CSNK1A1: variants seen among roughly 807,000 people sequenced by gnomAD.
The protein encoded by CSNK1A1 is casein kinase I isoform alpha.
In CSNK1A1, 7 loss-of-function variants were observed where a neutral mutation model predicts 46.1. That is an observed-to-expected ratio of 0.15 (90% CI 0.09 to 0.29). CSNK1A1 has a LOEUF of 0.29. Ranked by LOEUF, CSNK1A1 falls within the 10% of genes least tolerant of loss-of-function variation. CSNK1A1 has a pLI of 1.00. For missense variants in CSNK1A1, 96 were observed against 417.1 expected (o/e 0.23, Z 6.71); for synonymous variants, 137 against 141.5 (o/e 0.97, Z 0.23).
At chr5:149,545,370 C>A in intron 2 of CSNK1A1, 1 of 434,760 alleles carries the variant, frequency 2.3e-6, no homozygotes, top group Non-Finnish European at 4.2e-6. Context: ...CTCACGTTGG[C>A]AGACAGAGAT....
intron 9 of CSNK1A1, chr5:149,505,214 T>C: frequency 2.6e-6 from 3 of 1,170,998 alleles, no homozygotes; most frequent in South Asian, 4.0e-5. Flanking sequence ...AGAAATGATA[T>C]AAATATACAC....
At chr5:149,510,912 A>C (rs546046620) in intron 6 of CSNK1A1, among the ~76,000 whole-genome samples, 27 of 152,310 alleles carry the variant, frequency 1.8e-4, no homozygotes, top group African/African-American at 6.5e-4. Context: ...TTCTAAACTA[A>C]AAATACTCAT....
intron 8 of CSNK1A1, 60 bp downstream of exon 8, chr5:149,506,967 G>T: frequency 7.9e-7 from 1 of 1,272,372 alleles, no homozygotes; most frequent in Non-Finnish European, 1.1e-6. Flanking sequence ...GAATTTGTTA[G>T]GTAAATTTAA....
At chr5:149,543,499 T>TA (rs1762368275) in intron 2 of CSNK1A1, among the ~76,000 whole-genome samples, 1 of 152,064 alleles carries the variant, frequency 6.6e-6, no homozygotes, top group South Asian at 2.1e-4. Context: ...TTTTTTTTTT[T>TA]AGTCCAAGCT....
rs911166919 is a variant in CSNK1A1, at chr5:149,495,843, A to T, written c.*1010T>A. 6.6e-6 allele frequency: 1 copy of T among 152,498 alleles called. No homozygotes were observed. Among genetic ancestry groups the T allele is most frequent in the African/African-American group, 2.4e-5 (1 of 41,428 alleles). The allele number at this position is 152,498 out of a possible 1,614,324, so 9.4% of individuals were successfully genotyped here. ...TTTTCTTAAAAAAAGAGGAAAAGTT[A>T]TAACACGAAACCTAAATTGACTTGC... is the stretch of plus-strand genomic sequence containing the variant. On this transcript the variant is annotated 3_prime_UTR_variant, in exon 10 of 10. Coordinates refer to ENST00000377843, the MANE Select transcript of CSNK1A1 (RefSeq NM_001892.6).
chr5:149,527,109 C>G (rs1761745296), intron 2 of CSNK1A1, among the ~76,000 whole-genome samples: 1 of 150,914 alleles, frequency 6.6e-6, no homozygotes. Flanking sequence ...ACAAATGTGT[C>G]AACGTGACAG....
intron 7 of CSNK1A1, 95 bp from the exon 8 acceptor site, chr5:149,507,228 G>A (rs554969230): frequency 4.0e-4 from 374 of 934,604 alleles, no homozygotes; most frequent in Non-Finnish European, 5.4e-4. Flanking sequence ...ATTTTTGGGC[G>A]GGATATTTTA....
At chr5:149,512,751 G>GC (rs1761269095) in intron 5 of CSNK1A1, among the ~76,000 whole-genome samples, 1 of 152,090 alleles carries the variant, frequency 6.6e-6, no homozygotes, top group Non-Finnish European at 1.5e-5. Context: ...AGTATAAAAA[G>GC]CCCCAAATAG....
Position 149,551,046 on chromosome 5 carries a change from G to T in CSNK1A1, c.-82C>A. On this transcript the variant is annotated 5_prime_UTR_variant, in exon 1 of 10. Coordinates refer to ENST00000377843, the MANE Select transcript of CSNK1A1 (RefSeq NM_001892.6). The stretch of plus-strand genomic sequence containing the variant: ...GGAGGCCTCGGGGCTCCTACACTAG[G>T]CAAGGCTACGGAGGAGGGCGGCAGG... 1 of 1,515,504 alleles carries T rather than the reference G, an allele frequency of 6.6e-7. No individual in the cohort carries two copies. Among genetic ancestry groups the T allele is most frequent in the Non-Finnish European group, 9.0e-7 (1 of 1,106,476 alleles). 93.9% of individuals were successfully genotyped at this position (1,515,504 alleles called of 1,614,324 possible). A position where few individuals can be genotyped will look rare whatever the true frequency, so the allele number is the denominator to read the frequency against.
At chr5:149,531,693 CAAA>C (rs60488526) in intron 2 of CSNK1A1, among the ~76,000 whole-genome samples, 3,867 of 136,646 alleles carry the variant, frequency 0.028, 172 homozygotes, top group African/African-American at 0.096. Context: ...ACTAAAAATA[CAAA>C]AAAAAAAAAA....
At chr5:149,511,415 G>C (rs1761220852) in intron 6 of CSNK1A1, among the ~76,000 whole-genome samples, 1 of 137,866 alleles carries the variant, frequency 7.3e-6, no homozygotes, top group Non-Finnish European at 1.5e-5. Flanking sequence ...GAAACAAAAT[G>C]TTAGGACATG....
chr5:149,508,640 T>C (rs1761112864), intron 7 of CSNK1A1, among the ~76,000 whole-genome samples: 1 of 152,268 alleles, frequency 6.6e-6, no homozygotes, highest in African/African-American at 2.4e-5. Flanking sequence ...TCTGTATTCC[T>C]GTATTGTTGG....
intron 7 of CSNK1A1, among the ~76,000 whole-genome samples, chr5:149,508,987 G>C (rs1761127429): frequency 6.6e-6 from 1 of 152,122 alleles, no homozygotes; most frequent in Non-Finnish European, 1.5e-5. Context: ...GACTGCAGTG[G>C]TGCAATCTTG....
intron 4 of CSNK1A1, among the ~76,000 whole-genome samples, chr5:149,514,005 G>A (rs1761318463): frequency 6.6e-6 from 1 of 151,650 alleles, no homozygotes; most frequent in African/African-American, 2.4e-5. Context: ...CTAAAAGTCT[G>A]ACATTGCCAA....
At chr5:149,537,453 A>G (rs935497163) in intron 2 of CSNK1A1, among the ~76,000 whole-genome samples, 4 of 152,130 alleles carry the variant, frequency 2.6e-5, no homozygotes, top group African/African-American at 9.7e-5. Context: ...TTCCTACAAC[A>G]GCCATAGCAC....
intron 7 of CSNK1A1, among the ~76,000 whole-genome samples, chr5:149,508,904 T>C (rs1476457868): frequency 6.6e-6 from 1 of 152,186 alleles, no homozygotes; most frequent in Admixed American, 6.5e-5. Flanking sequence ...AAAACGTTTA[T>C]TTAACTTATT....
At chr5:149,518,686 A>G (rs898277187) in intron 4 of CSNK1A1, among the ~76,000 whole-genome samples, 1 of 152,134 alleles carries the variant, frequency 6.6e-6, no homozygotes, top group Non-Finnish European at 1.5e-5. Context: ...ATTATTTTTA[A>G]TATCTCAAGG....
At chr5:149,537,514 A>T (rs1231154913) in intron 2 of CSNK1A1, among the ~76,000 whole-genome samples, 1 of 152,100 alleles carries the variant, frequency 6.6e-6, no homozygotes, top group Non-Finnish European at 1.5e-5. Context: ...TGGAGTGCCA[A>T]AACCTCAGCA....
intron 7 of CSNK1A1, among the ~76,000 whole-genome samples, chr5:149,509,375 A>G (rs182403404): frequency 7.2e-5 from 11 of 152,300 alleles, no homozygotes; most frequent in African/African-American, 2.4e-4. Context: ...TTCCTGGATC[A>G]TTCATTCATT....
Sources: gnomAD v4.1 joint callset for allele counts (sites outside exome capture counted in the v4.1 genomes callset) on GRCh38, gnomAD v4.1.1 for gene constraint, MANE v1.5 for transcripts, NCBI Gene and HGNC (gene_info 2026-07-23, HGNC 2026-07-21) for gene names.